MORN1: variants seen among roughly 807,000 people sequenced by gnomAD.
MORN1 encodes the protein MORN repeat containing 1.
A neutral mutation model predicts 61.9 loss-of-function variants in MORN1; 67 were observed. That is an observed-to-expected ratio of 1.08 (90% CI 0.89 to 1.33). The LOEUF is 1.33. Among genes scored for constraint, MORN1 ranks in the 40% most tolerant of loss-of-function variants. MORN1 has a pLI of 0.00. For synonymous variants in MORN1, 301 were observed against 292.0 expected (o/e 1.03, Z -0.31); for missense variants, 752 against 691.2 (o/e 1.09, Z -0.99).
At chr1:2,346,865 G>A (rs1641530270) in intron 10 of MORN1, among the ~76,000 whole-genome samples, 1 of 152,196 alleles carries the variant, frequency 6.6e-6, no homozygotes, top group Non-Finnish European at 1.5e-5. Context: ...AGCAGGAGCT[G>A]TCCTCCTAGT....
chr1:2,327,380 A>G (rs1402631206), intron 12 of MORN1, among the ~76,000 whole-genome samples: 1 of 152,166 alleles, frequency 6.6e-6, no homozygotes, highest in African/African-American at 2.4e-5. Flanking sequence ...ACAGAAATAC[A>G]GAAACACACA....
Position 2,357,373 on chromosome 1 carries a change from C to T in MORN1, c.1036+59G>A. 2 of 1,532,822 alleles carry T rather than the reference C, an allele frequency of 1.3e-6. No individual in the cohort carries two copies. The highest frequency in any genetic ancestry group is 1.8e-6 in the Non-Finnish European group (2 of 1,135,678). 95.0% of individuals were successfully genotyped at this position (1,532,822 alleles called of 1,614,324 possible). A position where few individuals can be genotyped will look rare whatever the true frequency, so the allele number is the denominator to read the frequency against. The stretch of plus-strand genomic sequence containing the variant: ...TTCTGGGTCCCCATGACCCCACCCC[C>T]ACCTTGACTGCTGGGCCTGGGCCCA... On this transcript the variant is annotated intron_variant, in intron 10 of 13. Transcript: ENST00000378531. The surrounding 1 kb of genome is among the most constrained non-coding windows in gnomAD (Gnocchi z 6.3).
At chr1:2,322,092 T>G in intron 13 of MORN1, 1 of 985,408 alleles carries the variant, frequency 1.0e-6, no homozygotes, top group Non-Finnish European at 1.2e-6. Context: ...ACACCCGCGC[T>G]GGGGCTCTCC....
At chr1:2,350,451 G>A (rs1212235230) in intron 10 of MORN1, 1 of 152,258 alleles carries the variant, frequency 6.6e-6, no homozygotes, top group Non-Finnish European at 1.5e-5. Flanking sequence ...CCAGTGAAAG[G>A]CAGGTTTCTG....
chr1:2,335,997 G>A (rs1641265453), intron 12 of MORN1, among the ~76,000 whole-genome samples: 1 of 152,190 alleles, frequency 6.6e-6, no homozygotes, highest in African/African-American at 2.4e-5. Flanking sequence ...GGCCCAGGAT[G>A]GTGAGATGTG....
chr1:2,330,623 C>T (rs182280551), intron 12 of MORN1, among the ~76,000 whole-genome samples: 14 of 152,346 alleles, frequency 9.2e-5, no homozygotes. Flanking sequence ...GATTAAATGA[C>T]TAATCGCAGA....
intron 10 of MORN1, among the ~76,000 whole-genome samples, chr1:2,356,241 G>A (rs1446511882): frequency 6.6e-6 from 1 of 152,184 alleles, no homozygotes; most frequent in Non-Finnish European, 1.5e-5. Context: ...GGCTGGGCAG[G>A]GACATGGCAG....
intron 12 of MORN1, among the ~76,000 whole-genome samples, chr1:2,336,028 G>T (rs1641267149): frequency 6.6e-6 from 1 of 152,126 alleles, no homozygotes; most frequent in South Asian, 2.1e-4. Context: ...ACCCCCCACG[G>T]TGTCCCCGCC....
At chr1:2,358,764 C>T (rs776612333) in intron 8 of MORN1, 49 bp from the exon 9 acceptor site, 48 of 1,566,840 alleles carry the variant, frequency 3.1e-5, no homozygotes, top group South Asian at 5.7e-5. Context: ...CACCCAGAAG[C>T]GGGGTGCGCG....
Position 2,385,911 on chromosome 1 carries a change from C to G in MORN1, c.359-14G>C, listed in dbSNP as rs762919747. On this transcript the variant is annotated splice_polypyrimidine_tract_variant and intron_variant, in intron 4 of 13. Transcript: ENST00000378531. ...GAAACCCGTGTCCTGGAGAAGGGAC[C>G]GAGAGACAGACTTGGCTTTGTGCCT... is the stretch of plus-strand genomic sequence containing the variant. 1.9e-6 allele frequency: 3 copies of G among 1,611,912 alleles called. No homozygotes were observed. In the East Asian group the frequency reaches 6.7e-5, roughly 36 times the overall value.
chr1:2,323,537 G>C, intron 13 of MORN1: 1 of 985,372 alleles, frequency 1.0e-6, no homozygotes, highest in Non-Finnish European at 1.2e-6. Flanking sequence ...GGCCCCTCTG[G>C]CTTGGTGGGG....
At chr1:2,340,719 G>A (rs994048000) in intron 10 of MORN1, among the ~76,000 whole-genome samples, 13 of 152,218 alleles carry the variant, frequency 8.5e-5, no homozygotes, top group African/African-American at 2.6e-4. Flanking sequence ...CACAGGCCAC[G>A]ACGGGCCACC....
Position 2,321,281 on chromosome 1 carries a change from C to T in MORN1, c.*102G>A. ...CCGCCACTGAGCATTTTATTCAAGC[C>T]AGCAACCACGGGGCTCTGGAGAATC... is the stretch of plus-strand genomic sequence containing the variant. On this transcript the variant is annotated 3_prime_UTR_variant, in exon 14 of 14. Coordinates refer to ENST00000378531, the MANE Select transcript of MORN1 (RefSeq NM_024848.3). 1.1e-6 allele frequency: 1 copy of T among 940,784 alleles called. No homozygotes were observed. Among genetic ancestry groups the T allele is most frequent in the East Asian group, 3.0e-5 (1 of 33,602 alleles). 58.3% of individuals were successfully genotyped at this position (940,784 alleles called of 1,614,324 possible).
rs372517979 is a variant in MORN1, at chr1:2,336,599, C to T, written c.1171-51G>A. Reference sequence around the variant, plus strand: ...GAGAAGGAAAGGCTCAGAAGGTGGGCCTAGGAGCTCTGCTCCAACCCCCCT... The same window carrying T: ...GAGAAGGAAAGGCTCAGAAGGTGGGTCTAGGAGCTCTGCTCCAACCCCCCT... On this transcript the variant is annotated intron_variant, in intron 11 of 13. Transcript: ENST00000378531. 3.7e-6 allele frequency: 6 copies of T among 1,604,124 alleles called. No homozygotes were observed. In the African/African-American group the frequency reaches 8.0e-5, roughly 21 times the overall value.
chr1:2,385,133 G>A (rs1398410246), intron 5 of MORN1, 68 bp from the exon 6 acceptor site: 1 of 1,487,004 alleles, frequency 6.7e-7, no homozygotes, highest in East Asian at 2.4e-5. Context: ...ACTCAGACCG[G>A]CTCCTCCCAC....
intron 12 of MORN1, among the ~76,000 whole-genome samples, chr1:2,329,722 A>G (rs1449035776): frequency 6.6e-6 from 1 of 152,142 alleles, no homozygotes; most frequent in East Asian, 1.9e-4. Context: ...AGCAGGCCGG[A>G]GTCACCACCG....
At chr1:2,346,160 C>G (rs1280582382) in intron 10 of MORN1, among the ~76,000 whole-genome samples, 1 of 152,082 alleles carries the variant, frequency 6.6e-6, no homozygotes, top group Non-Finnish European at 1.5e-5. Flanking sequence ...AGGAACCTTC[C>G]TCAGACAAAG....
At chr1:2,387,891 G>T (rs1050818123) in intron 3 of MORN1, 3 of 422,908 alleles carry the variant, frequency 7.1e-6, no homozygotes, top group Non-Finnish European at 1.3e-5. Flanking sequence ...CCCCTCTGGC[G>T]TGAGGGTCTG....
rs781398211 is a variant in MORN1, at chr1:2,357,548, G to A, written c.920C>T (p.Pro307Leu). ...CCCTCCCTTGGCAGCTCTGGGCCCC[G>A]GCACCCCAGCTGCGGGGCTGGACAC... ...YPVSSPAAGV[P>L]GPRAAKGGAE... The change falls in exon 10 of 14, where the codon CCG becomes CTG. Residue 307 changes from proline to leucine, a missense_variant. Coordinates refer to ENST00000378531, the MANE Select transcript of MORN1 (RefSeq NM_024848.3). This position sits in a 1 kb window ranked among gnomAD's most constrained non-coding sequence, Gnocchi z 6.3. 42 of 1,611,916 alleles carry A rather than the reference G, an allele frequency of 2.6e-5. No homozygotes were observed. Among genetic ancestry groups the A allele is most frequent in the East Asian group, 4.5e-5 (2 of 44,828 alleles).
Sources: allele counts gnomAD v4.1 joint callset (sites outside exome capture counted in the v4.1 genomes callset), GRCh38; gene constraint gnomAD v4.1.1; non-coding constraint Gnocchi (gnomAD v3.1); transcripts MANE v1.5; gene names NCBI Gene and HGNC (gene_info 2026-07-23, HGNC 2026-07-21).